The following NHSL1 variants were observed in gnomAD, a reference collection of about 807,000 sequenced individuals.
NHSL1 encodes the protein NHS-like protein 1.
In NHSL1, 48 loss-of-function variants were observed where a neutral mutation model predicts 95.0. That is an observed-to-expected ratio of 0.51 (90% CI 0.40 to 0.64). The LOEUF (loss-of-function observed/expected upper bound fraction) is 0.64. NHSL1 is among the 30% of genes least tolerant of loss of function. NHSL1 has a pLI of 0.00. For missense variants in NHSL1, 1,971 were observed against 2,077.7 expected, an observed-to-expected ratio of 0.95 and a Z score of 1.00; for synonymous variants, 783 against 833.9, an observed-to-expected ratio of 0.94 and a Z score of 1.05.
intron 1 of NHSL1, among the ~76,000 whole-genome samples, chr6:138,678,858 G>T (rs1320025824): frequency 6.6e-6 from 1 of 152,130 alleles, no homozygotes; most frequent in Admixed American, 6.5e-5. Context: ...AATTATTAAT[G>T]ATATTAATCA....
At chr6:138,625,285 G>A (rs1349481160) in intron 1 of NHSL1, among the ~76,000 whole-genome samples, 1 of 152,050 alleles carries the variant, frequency 6.6e-6, no homozygotes, top group Non-Finnish European at 1.5e-5. Context: ...TGGGACTACA[G>A]GTGTGCGCCA....
chr6:138,459,879 A>G (rs1777879781), intron 3 of NHSL1, among the ~76,000 whole-genome samples: 1 of 152,214 alleles, frequency 6.6e-6, no homozygotes, highest in Non-Finnish European at 1.5e-5. Context: ...AGTATCAAGC[A>G]TCCTTGCATT....
chr6:138,478,187 G>A (rs1416747135), intron 2 of NHSL1, among the ~76,000 whole-genome samples: 1 of 151,538 alleles, frequency 6.6e-6, no homozygotes, highest in Non-Finnish European at 1.5e-5. Context: ...CTAATTTTTG[G>A]TCAGGCTGGT....
In NHSL1 at chr6:138,431,278, C is replaced by T. The variant is rs894256248; in HGVS notation, c.3067G>A (p.Ala1023Thr). ...PLLPSSEPPP[A>T]PPLDPKFMKD... ...ATGAATTTGGGGTCAAGAGGTGGGGCAGGTGGGGGTTCCGAGGAAGGTAAG... is the reference window on the plus strand; with the variant it reads ...ATGAATTTGGGGTCAAGAGGTGGGGTAGGTGGGGGTTCCGAGGAAGGTAAG... The change falls in exon 6 of 8, where the codon GCC becomes ACC. Residue 1023 changes from alanine (A) to threonine (T), a missense_variant. Transcript: ENST00000343505. The surrounding 1 kb of genome is among the most constrained non-coding windows in gnomAD (Gnocchi z 4.0). 6.0e-6 allele frequency: 9 copies of T among 1,501,078 alleles called. No homozygotes were observed. Among genetic ancestry groups the T allele is most frequent in the Non-Finnish European group, 8.0e-6 (9 of 1,121,392 alleles). 93.0% of individuals were successfully genotyped at this position (1,501,078 alleles called of 1,614,324 possible). A position where few individuals can be genotyped will look rare whatever the true frequency, so the allele number is the denominator to read the frequency against.
chr6:138,527,776 C>A lies in NHSL1; in HGVS notation c.16+17847G>T, dbSNP rs373391875. ...AAATAGTAGTTAACAGTTCCTGGGT[C>A]TAGCCAGGTTCCAGGCAAGCTATGC... On this transcript the variant is annotated intron_variant, in intron 1 of 4. Transcript: ENST00000342260. 5.3e-5 allele frequency among the ~76,000 whole-genome samples: 8 copies of A among 152,190 alleles called. No individual in the cohort carries two copies. The East Asian group carries it at 9.6e-4, about 18-fold the overall frequency.
At chr6:138,610,105 G>A (rs1784489474) in intron 1 of NHSL1, among the ~76,000 whole-genome samples, 3 of 152,070 alleles carry the variant, frequency 2.0e-5, no homozygotes, top group Admixed American at 2.0e-4. Context: ...TGCTCCCACA[G>A]GGCCCCACCA....
chr6:138,675,950 T>C (rs1260341486), intron 1 of NHSL1, among the ~76,000 whole-genome samples: 1 of 152,218 alleles, frequency 6.6e-6, no homozygotes, highest in Non-Finnish European at 1.5e-5. Context: ...ATATGGTTTT[T>C]AGGAAGAAAT....
intron 1 of NHSL1, among the ~76,000 whole-genome samples, chr6:138,671,653 A>G (rs1388485644): frequency 6.6e-6 from 1 of 152,192 alleles, no homozygotes; most frequent in African/African-American, 2.4e-5. Flanking sequence ...TCTAGGAGTC[A>G]TATCTCCAAG....
intron 1 of NHSL1, among the ~76,000 whole-genome samples, chr6:138,636,955 T>C (rs894360609): frequency 6.6e-6 from 1 of 151,882 alleles, no homozygotes; most frequent in Non-Finnish European, 1.5e-5. Flanking sequence ...AATAGCAAAA[T>C]CTATCCTAAG....
chr6:138,671,131 A>G (rs1272494248), intron 1 of NHSL1, among the ~76,000 whole-genome samples: 1 of 152,040 alleles, frequency 6.6e-6, no homozygotes, highest in African/African-American at 2.4e-5. Context: ...CTCCAGCCTG[A>G]GTGACAGAGC....
intron 1 of NHSL1, among the ~76,000 whole-genome samples, chr6:138,656,055 G>A (rs915641933): frequency 5.9e-5 from 9 of 152,144 alleles, no homozygotes; most frequent in Admixed American, 3.3e-4. Context: ...TGGACATGCC[G>A]CAGGCAACTC....
intron 1 of NHSL1, among the ~76,000 whole-genome samples, chr6:138,668,694 G>A (rs1228558686): frequency 3.4e-5 from 5 of 145,718 alleles, no homozygotes; most frequent in South Asian, 2.2e-4. Context: ...GCGCAGTCTC[G>A]GCTCACTGCA....
At chr6:138,590,233 G>T (rs928752640) in intron 1 of NHSL1, among the ~76,000 whole-genome samples, 1 of 152,138 alleles carries the variant, frequency 6.6e-6, no homozygotes, top group African/African-American at 2.4e-5. Flanking sequence ...CCTGACCTCA[G>T]GTGATCCGTT....
At chr6:138,646,762 G>T (rs1330658208) in intron 1 of NHSL1, among the ~76,000 whole-genome samples, 1 of 152,190 alleles carries the variant, frequency 6.6e-6, no homozygotes, top group Non-Finnish European at 1.5e-5. Flanking sequence ...TGGGTTTACA[G>T]TCATGAGCAA....
chr6:138,451,066 T>C (rs910461354), intron 3 of NHSL1, among the ~76,000 whole-genome samples: 1 of 152,206 alleles, frequency 6.6e-6, no homozygotes, highest in Non-Finnish European at 1.5e-5. Context: ...AGTCAGATCA[T>C]GTTGCTCCTC....
intron 1 of NHSL1, among the ~76,000 whole-genome samples, chr6:138,592,436 T>C (rs1360682814): frequency 6.6e-6 from 1 of 151,954 alleles, no homozygotes; most frequent in South Asian, 2.1e-4. Context: ...CCGTCTCTAC[T>C]AAAAATACAA....
chr6:138,636,750 A>C (rs1384737614), intron 1 of NHSL1, among the ~76,000 whole-genome samples: 4 of 152,220 alleles, frequency 2.6e-5, no homozygotes, highest in African/African-American at 9.6e-5. Flanking sequence ...CTGATGAAAG[A>C]AATTGAAGAG....
At chr6:138,660,214 C>T (rs1027278493) in intron 1 of NHSL1, among the ~76,000 whole-genome samples, 3 of 152,180 alleles carry the variant, frequency 2.0e-5, no homozygotes, top group Admixed American at 2.0e-4. Flanking sequence ...GTAGCATACC[C>T]AGTATCAGCA....
intron 1 of NHSL1, among the ~76,000 whole-genome samples, chr6:138,622,629 T>A (rs1488379721): frequency 1.3e-5 from 2 of 152,116 alleles, no homozygotes; most frequent in Non-Finnish European, 2.9e-5. Flanking sequence ...AGGACTACAA[T>A]TAATCTAATT....
Sources: gnomAD v4.1 joint callset for allele counts (sites outside exome capture counted in the v4.1 genomes callset) on GRCh38, gnomAD v4.1.1 for gene constraint, Gnocchi (gnomAD v3.1) non-coding constraint, MANE v1.5 for transcripts, NCBI Gene and HGNC (gene_info 2026-07-23, HGNC 2026-07-21) for gene names.